The following TBC1D4 variants were observed in gnomAD, a reference collection of about 807,000 sequenced individuals.
TBC1D4 encodes TBC (Tre-2, BUB2, CDC16) domain-containing protein.
A neutral mutation model predicts 142.5 loss-of-function variants in TBC1D4; 121 were observed. That is an observed-to-expected ratio of 0.85 (90% confidence interval 0.73 to 0.99). The LOEUF (loss-of-function observed/expected upper bound fraction) is 0.99, where lower values mean the gene tolerates loss of function less well. TBC1D4 is among the 50% of genes least tolerant of loss of function. The probability of loss-of-function intolerance (pLI) is 0.00; values close to 1 mark genes in which losing one functional copy is unlikely to be tolerated. For synonymous variants in TBC1D4, 630 were observed against 628.2 expected (o/e 1.00, Z -0.04); for missense variants, 1,475 against 1,606.6 (o/e 0.92, Z 1.40).
chr13:75,376,642 CA>C (rs1403425524), intron 1 of TBC1D4, among the ~76,000 whole-genome samples: 1 of 152,164 alleles, frequency 6.6e-6, no homozygotes, highest in Non-Finnish European at 1.5e-5. Context: ...CTCAGCCTCC[CA>C]AAGTTCTGGG....
chr13:75,454,255 A>C (rs1014547796), intron 1 of TBC1D4, among the ~76,000 whole-genome samples: 3 of 152,100 alleles, frequency 2.0e-5, no homozygotes, highest in Admixed American at 6.6e-5. Flanking sequence ...TATATTAGTG[A>C]TCTTTCTGCC....
chr13:75,442,376 T>G (rs1887079252), intron 1 of TBC1D4, among the ~76,000 whole-genome samples: 1 of 152,188 alleles, frequency 6.6e-6, no homozygotes, highest in South Asian at 2.1e-4. Flanking sequence ...TGATGATTAT[T>G]TTTAAGATTC....
At chr13:75,365,660 T>C (rs1438946315) in intron 1 of TBC1D4, among the ~76,000 whole-genome samples, 2 of 152,226 alleles carry the variant, frequency 1.3e-5, no homozygotes, top group Admixed American at 6.5e-5. Flanking sequence ...ACAAATATTG[T>C]TGAACGAATT....
At position 75,289,001 on chromosome 13, in the gene TBC1D4, A is replaced by G. The variant is rs1436442990; in HGVS notation, c.3596T>C (p.Leu1199Ser). The change falls in exon 20 of 21, where the codon TTG becomes TCG. Residue 1199 changes from leucine (L) to serine (S), a missense_variant. This residue lies in a region of TBC1D4 where 248 missense variants were observed against 338.9 expected (regional missense o/e 0.73). Coordinates refer to ENST00000377636, the MANE Select transcript of TBC1D4 (RefSeq NM_014832.5). The stretch of plus-strand genomic sequence containing the variant: ...GCTATTGGCCCTCTCCAGCTTCTCC[A>G]AAGTTTCACTATCCTCACAGGAATA... Reference protein sequence around the residue: ...SSYSCEDSETLEKLERANSQL... With the variant: ...SSYSCEDSETSEKLERANSQL... 6 of 1,613,934 alleles carry G rather than the reference A, an allele frequency of 3.7e-6. No homozygotes were observed. Among genetic ancestry groups the G allele is most frequent in the East Asian group, 2.2e-5 (1 of 44,870 alleles).
intron 1 of TBC1D4, among the ~76,000 whole-genome samples, chr13:75,456,608 T>C (rs1166315456): frequency 1.3e-5 from 2 of 151,858 alleles, no homozygotes; most frequent in Non-Finnish European, 2.9e-5. Context: ...TACAAATACA[T>C]TCCCTACAAG....
At position 75,314,789 on chromosome 13, in the gene TBC1D4, A is replaced by G. The variant is rs184998790; in HGVS notation, c.2223-1891T>C. On this transcript the variant is annotated intron_variant, in intron 12 of 20. Coordinates refer to ENST00000377636, the MANE Select transcript of TBC1D4 (RefSeq NM_014832.5). ...CAAGAGTAGCATGGCCAACATGGTGAAACCCTGTCTCAACTAAAAATACAA... is the reference window on the plus strand; with the variant it reads ...CAAGAGTAGCATGGCCAACATGGTGGAACCCTGTCTCAACTAAAAATACAA... Among the ~76,000 whole-genome samples, 498 of 148,486 alleles carry G rather than the reference A, an allele frequency of 3.4e-3. 5 individuals carry two copies. Among genetic ancestry groups the G allele is most frequent in the African/African-American group, 0.011 (434 of 40,280 alleles).
chr13:75,470,639 C>CA (rs1888358808), intron 1 of TBC1D4, among the ~76,000 whole-genome samples: 2 of 152,084 alleles, frequency 1.3e-5, no homozygotes, highest in African/African-American at 4.8e-5. Context: ...AACATCAAGT[C>CA]AAATGCTGGG....
chr13:75,346,554 G>A (rs1449457889), intron 5 of TBC1D4, among the ~76,000 whole-genome samples: 1 of 152,292 alleles, frequency 6.6e-6, no homozygotes, highest in South Asian at 2.1e-4. Context: ...TCACTGATGG[G>A]CATTTGGGTT....
chr13:75,290,665 A>C (rs1875197369), intron 19 of TBC1D4, among the ~76,000 whole-genome samples: 1 of 152,224 alleles, frequency 6.6e-6, no homozygotes, highest in Non-Finnish European at 1.5e-5. Flanking sequence ...ATTCCATGTA[A>C]TGGAAATAAA....
intron 1 of TBC1D4, among the ~76,000 whole-genome samples, chr13:75,470,120 T>C (rs1157235676): frequency 6.6e-6 from 1 of 152,164 alleles, no homozygotes; most frequent in Non-Finnish European, 1.5e-5. Flanking sequence ...AGAGTTAAAA[T>C]ACCTATTATT....
intron 1 of TBC1D4, among the ~76,000 whole-genome samples, chr13:75,418,064 A>T (rs1327001138): frequency 2.0e-5 from 3 of 152,234 alleles, no homozygotes; most frequent in African/African-American, 7.2e-5. Flanking sequence ...TTATTATTTT[A>T]TCATAATTGT....
intron 16 of TBC1D4, among the ~76,000 whole-genome samples, chr13:75,301,606 C>T (rs1876557312): frequency 1.3e-5 from 2 of 151,110 alleles, no homozygotes; most frequent in South Asian, 4.2e-4. Flanking sequence ...GATCGTGCCA[C>T]TGCACTCCAG....
intron 15 of TBC1D4, among the ~76,000 whole-genome samples, chr13:75,306,082 T>C (rs997272612): frequency 2.0e-5 from 3 of 152,246 alleles, no homozygotes; most frequent in African/African-American, 4.8e-5. Flanking sequence ...TATCAATGCA[T>C]GCACTTCTTC....
intron 1 of TBC1D4, among the ~76,000 whole-genome samples, chr13:75,390,869 AGGGGAGG>A (rs1884441042): frequency 6.6e-3 from 32 of 4,858 alleles, no homozygotes; most frequent in Non-Finnish European, 7.6e-3. Context: ...AGGGGAGGGG[AGGGGAGG>A]GGAGGGGAGG....
At chr13:75,413,352 G>A (rs902409882) in intron 1 of TBC1D4, among the ~76,000 whole-genome samples, 1 of 152,076 alleles carries the variant, frequency 6.6e-6, no homozygotes, top group Admixed American at 6.5e-5. Flanking sequence ...AGTAAAGACA[G>A]GGTTTCACCA....
At chr13:75,370,793 C>T (rs1466085499) in intron 1 of TBC1D4, among the ~76,000 whole-genome samples, 3 of 152,052 alleles carry the variant, frequency 2.0e-5, no homozygotes, top group Admixed American at 2.0e-4. Context: ...CAGATCAGGG[C>T]TGAGACAGAA....
chr13:75,285,820 A>G lies in TBC1D4; in HGVS notation c.*972T>C, dbSNP rs1593849929. Reference sequence around the variant, plus strand: ...AATTACGTTTCCTTATACTGAATTTAAGGTAGAGAGACCTAAATTACAAGC... The same window carrying G: ...AATTACGTTTCCTTATACTGAATTTGAGGTAGAGAGACCTAAATTACAAGC... On this transcript the variant is annotated 3_prime_UTR_variant, in exon 21 of 21. Transcript: ENST00000377636. The G allele has an allele frequency of 1.3e-5, 2 of 152,748 alleles. No individual in the cohort carries two copies. The highest frequency in any genetic ancestry group is 3.9e-4 in the East Asian group (2 of 5,184). 9.5% of individuals were successfully genotyped at this position (152,748 alleles called of 1,614,324 possible).
intron 1 of TBC1D4, among the ~76,000 whole-genome samples, chr13:75,472,718 C>T (rs769035352): frequency 6.6e-6 from 1 of 152,108 alleles, no homozygotes; most frequent in African/African-American, 2.4e-5. Context: ...AGTTAGGCAA[C>T]AAGCATTGGG....
chr13:75,342,789 G>A, intron 5 of TBC1D4, among the ~76,000 whole-genome samples: 1 of 151,780 alleles, frequency 6.6e-6, no homozygotes, highest in East Asian at 1.9e-4. Flanking sequence ...TCCACTTAGA[G>A]TATTGCTACT....
Sources: allele counts gnomAD v4.1 joint callset (sites outside exome capture counted in the v4.1 genomes callset), GRCh38; gene constraint gnomAD v4.1.1; regional missense constraint gnomAD v4.1.1; transcripts MANE v1.5; gene names NCBI Gene and HGNC (gene_info 2026-07-23, HGNC 2026-07-21).